Variants in ELMO1 observed in about 807,000 individuals in gnomAD.
The protein encoded by ELMO1 is engulfment and cell motility protein 1.
In ELMO1, 26 loss-of-function variants were observed where a neutral mutation model predicts 98.9. The ratio of observed to expected loss-of-function variants is 0.26; its 90% CI spans 0.19 to 0.36. ELMO1 has a LOEUF of 0.36. ELMO1 is among the 10% of genes least tolerant of loss of function. The pLI, the probability that ELMO1 is intolerant of heterozygous loss-of-function variation, is 1.00. For missense variants in ELMO1, 627 were observed against 935.2 expected, an observed-to-expected ratio of 0.67 and a Z score of 4.30; for synonymous variants, 346 against 346.0, an observed-to-expected ratio of 1.00 and a Z score of 0.00.
chr7:37,360,866 T>G (rs16879645), intron 1 of ELMO1, among the ~76,000 whole-genome samples: 2 of 152,140 alleles, frequency 1.3e-5, no homozygotes, highest in Non-Finnish European at 2.9e-5. Flanking sequence ...AGTTTAATAA[T>G]ATATGGCAAA....
chr7:36,862,508 C>A (rs531666351), intron 20 of ELMO1, among the ~76,000 whole-genome samples: 142 of 152,342 alleles, frequency 9.3e-4, no homozygotes, highest in African/African-American at 3.3e-3. Context: ...GCACTCAGTG[C>A]CATGTCTAAT....
chr7:37,011,669 C>T (rs1270928209), intron 16 of ELMO1, among the ~76,000 whole-genome samples: 3 of 152,194 alleles, frequency 2.0e-5, no homozygotes, highest in African/African-American at 4.8e-5. Flanking sequence ...GTCTCCTTCT[C>T]CTGGAGGAAC....
chr7:36,939,100 CTAA>C (rs1246712558), intron 16 of ELMO1, among the ~76,000 whole-genome samples: 1 of 151,460 alleles, frequency 6.6e-6, no homozygotes, highest in East Asian at 1.9e-4. Context: ...ATTGTTTAAG[CTAA>C]TACAAATAGA....
chr7:36,875,817 T>G (rs1403468627), intron 19 of ELMO1, among the ~76,000 whole-genome samples: 1 of 152,188 alleles, frequency 6.6e-6, no homozygotes, highest in African/African-American at 2.4e-5. Flanking sequence ...GCTTTGTTGC[T>G]GTGGCTGCCA....
chr7:37,352,544 T>C (rs902256281), intron 1 of ELMO1, among the ~76,000 whole-genome samples: 2 of 152,196 alleles, frequency 1.3e-5, no homozygotes, highest in Admixed American at 6.5e-5. Flanking sequence ...TAACGAAACA[T>C]CTTGCGGCAC....
intron 19 of ELMO1, among the ~76,000 whole-genome samples, chr7:36,872,008 C>T (rs1439236403): frequency 6.6e-6 from 1 of 152,160 alleles, no homozygotes; most frequent in Non-Finnish European, 1.5e-5. Flanking sequence ...TGATTCTGGA[C>T]CCTTCTGGTA....
intron 15 of ELMO1, chr7:37,033,555 A>C: frequency 8.0e-6 from 3 of 373,910 alleles, no homozygotes; most frequent in Non-Finnish European, 1.6e-5. Flanking sequence ...CCAGCATTCC[A>C]ATGTCAAGGC....
At chr7:37,414,092 A>G (rs1207827818) in intron 1 of ELMO1, among the ~76,000 whole-genome samples, 1 of 152,188 alleles carries the variant, frequency 6.6e-6, no homozygotes, top group Non-Finnish European at 1.5e-5. Context: ...TATAATTAAT[A>G]TCATTTAATA....
At chr7:37,024,037 C>T (rs1237883639) in intron 15 of ELMO1, among the ~76,000 whole-genome samples, 8 of 152,076 alleles carry the variant, frequency 5.3e-5, no homozygotes, top group Non-Finnish European at 1.2e-4. Context: ...TCCTTCCCTC[C>T]CTTCCTTCAT....
intron 7 of ELMO1, among the ~76,000 whole-genome samples, chr7:37,241,631 T>A (rs1400537996): frequency 6.6e-6 from 1 of 152,170 alleles, no homozygotes; most frequent in Non-Finnish European, 1.5e-5. Flanking sequence ...TCTGATTTAA[T>A]CCCTCCTTTG....
At chr7:36,907,247 T>G (rs1784030238) in intron 16 of ELMO1, among the ~76,000 whole-genome samples, 1 of 152,084 alleles carries the variant, frequency 6.6e-6, no homozygotes, top group South Asian at 2.1e-4. Flanking sequence ...AGAGGAGCAG[T>G]GATAGATTAA....
intron 16 of ELMO1, among the ~76,000 whole-genome samples, chr7:36,967,546 G>A (rs970371890): frequency 1.3e-5 from 2 of 152,118 alleles, no homozygotes; most frequent in African/African-American, 2.4e-5. Flanking sequence ...TCTGGCAAAG[G>A]GAGGGTGCTG....
intron 15 of ELMO1, among the ~76,000 whole-genome samples, chr7:37,037,836 A>G (rs948942002): frequency 2.0e-5 from 3 of 152,232 alleles, no homozygotes; most frequent in Non-Finnish European, 4.4e-5. Flanking sequence ...TATGGCTTCA[A>G]GATATTGTTA....
intron 16 of ELMO1, among the ~76,000 whole-genome samples, chr7:36,996,352 C>T (rs541289474): frequency 1.3e-5 from 2 of 152,212 alleles, no homozygotes; most frequent in East Asian, 3.9e-4. Flanking sequence ...TAAAAATAAA[C>T]ATTATTAGCT....
chr7:37,380,487 A>T (rs1328783916), intron 1 of ELMO1, among the ~76,000 whole-genome samples: 1 of 152,198 alleles, frequency 6.6e-6, no homozygotes, highest in Non-Finnish European at 1.5e-5. Flanking sequence ...AGTTTGCTTG[A>T]CATAGCCTTT....
chr7:37,001,757 C>T (rs1792686431), intron 16 of ELMO1, among the ~76,000 whole-genome samples: 1 of 152,080 alleles, frequency 6.6e-6, no homozygotes, highest in Non-Finnish European at 1.5e-5. Flanking sequence ...AAGAGCAGTT[C>T]AGGTAGAGCC....
At chr7:37,357,379 C>G (rs1329409689) in intron 1 of ELMO1, among the ~76,000 whole-genome samples, 2 of 152,136 alleles carry the variant, frequency 1.3e-5, no homozygotes, top group African/African-American at 4.8e-5. Context: ...GCATAATCCA[C>G]CTGGGGCCTA....
rs187003979 is a variant in ELMO1 at position 36,870,323 on chromosome 7, G to A, written c.1905+70C>T. On this transcript the variant is annotated intron_variant, in intron 20 of 21. Transcript: ENST00000310758. This position sits in a 1 kb window ranked among gnomAD's most constrained non-coding sequence, Gnocchi z 4.4. ...ACACACGAACACTGCTATAAAGGAG[G>A]GCTAGGCTGGCTGCAGTTGCCGACC... 1.7e-4 allele frequency: 235 copies of A among 1,375,694 alleles called. 1 individual carries two copies. Among genetic ancestry groups the A allele is most frequent in the Admixed American group, 5.9e-4 (35 of 58,928 alleles). 85.2% of individuals were successfully genotyped at this position (1,375,694 alleles called of 1,614,324 possible).
intron 6 of ELMO1, among the ~76,000 whole-genome samples, chr7:37,255,789 T>TGACATATCAATGGCTGG (rs11271123): frequency 0.38 from 58,170 of 151,916 alleles, 12,040 homozygotes; most frequent in African/African-American, 0.54. Flanking sequence ...GCATTGTCCT[T>TGACATATCAATGGCTGG]GACTTAGCTT....
Sources: allele counts gnomAD v4.1 joint callset (sites outside exome capture counted in the v4.1 genomes callset), GRCh38; gene constraint gnomAD v4.1.1; non-coding constraint Gnocchi (gnomAD v3.1); transcripts MANE v1.5; gene names NCBI Gene and HGNC (gene_info 2026-07-23, HGNC 2026-07-21).